Variants in KIF1A observed in about 807,000 individuals in gnomAD.
KIF1A encodes kinesin-like protein KIF1A.
In KIF1A, 46 loss-of-function variants were observed where a neutral mutation model predicts 227.3. That is an observed-to-expected ratio of 0.20 (90% CI 0.16 to 0.26). The LOEUF (loss-of-function observed/expected upper bound fraction) is 0.26. Among genes scored for constraint, KIF1A ranks in the 10% least tolerant of loss-of-function variants. The probability of loss-of-function intolerance (pLI) is 1.00; values close to 1 mark genes in which losing one functional copy is unlikely to be tolerated. For synonymous variants in KIF1A, 1,022 were observed against 1,012.8 expected, an observed-to-expected ratio of 1.01 and a Z score of -0.17; for missense variants, 1,683 against 2,485.9, an observed-to-expected ratio of 0.68 and a Z score of 6.87.
chr2:240,769,798 AG>A lies in KIF1A; in HGVS notation c.1342-93del, dbSNP rs2051706693. The A allele has an allele frequency of 3.9e-6, 4 of 1,022,256 alleles. No homozygotes were observed. The Admixed American group carries it at 8.2e-5, about 21-fold the overall frequency. The allele number at this position is 1,022,256 out of a possible 1,614,324, so 63.3% of individuals were successfully genotyped here. ...CGGGTGCCAGGAGAAGGAGCTGCAA[AG>A]CACAAGCGCCATATTCCTGGGCCCG... On this transcript the variant is annotated intron_variant, in intron 15 of 48. Coordinates refer to ENST00000498729, the MANE Select transcript of KIF1A (RefSeq NM_001244008.2).
chr2:240,730,632 G>C (rs949202373), intron 38 of KIF1A, among the ~76,000 whole-genome samples: 1 of 152,224 alleles, frequency 6.6e-6, no homozygotes. Context: ...CTCGCCCGAA[G>C]GGAACATGAT....
Position 240,720,975 on chromosome 2 carries a change from G to C in KIF1A, c.4807C>G (p.Leu1603Val). The C allele has an allele frequency of 8.1e-6, 13 of 1,607,092 alleles. No homozygotes were observed. Among genetic ancestry groups the C allele is most frequent in the Non-Finnish European group, 1.1e-5 (13 of 1,177,298 alleles). ...PSMSPLGVAT[L>V]TPSSTCPSLV... ...GAGGGGCAAGTGGAGGAGGGGGTGA[G>C]AGTGGCCACCCCTAGAGGGGACATC... Residue 1603 changes from leucine to valine, a missense_variant, in exon 45 of 49, where the codon CTC (leucine) becomes GTC (valine). This residue lies in a region of KIF1A where 384 missense variants were observed against 410.1 expected (regional missense o/e 0.94). Transcript: ENST00000498729.
At chr2:240,722,756 G>A (rs1575520673) in intron 42 of KIF1A, 100 bp from the exon 43 acceptor site, 1 of 935,374 alleles carries the variant, frequency 1.1e-6, no homozygotes, top group Admixed American at 3.1e-5. Flanking sequence ...GCAGACCCCG[G>A]AGAGCCCACC....
At chr2:240,765,179 G>A (rs78819009) in intron 20 of KIF1A, among the ~76,000 whole-genome samples, 5,557 of 152,344 alleles carry the variant, frequency 0.036, 130 homozygotes, top group Non-Finnish European at 0.055. Context: ...CTGTCTGACT[G>A]TCTGACTTCT....
Position 240,791,453 on chromosome 2 carries a change from C to T in KIF1A, c.107-2141G>A, listed in dbSNP as rs369001177. Among the ~76,000 whole-genome samples, 169 of 142,904 alleles carry T rather than the reference C, an allele frequency of 1.2e-3. 4 individuals carry two copies. Among genetic ancestry groups the T allele is most frequent in the East Asian group, 2.5e-3 (12 of 4,770 alleles). 93.8% of individuals were successfully genotyped at this position (142,904 alleles called of 152,430 possible). On this transcript the variant is annotated intron_variant, in intron 2 of 48. Coordinates refer to ENST00000498729, the MANE Select transcript of KIF1A (RefSeq NM_001244008.2). ...TCCTGCCCCATCCACCCCCTCGCCT[C>T]ACCCGGCTGCACTCAGGTCGGGCTC... is the stretch of plus-strand genomic sequence containing the variant.
At chr2:240,820,759 C>A (rs1162629309), upstream of KIF1A, among the ~76,000 whole-genome samples, 2 of 150,994 alleles carry the variant, frequency 1.3e-5, no homozygotes, top group African/African-American at 4.9e-5. This position sits in a 1 kb window ranked among gnomAD's most constrained non-coding sequence, Gnocchi z 6.2. Flanking sequence ...CATCTTGTGT[C>A]GGGGCCGGGG....
intron 27 of KIF1A, among the ~76,000 whole-genome samples, chr2:240,751,063 C>A (rs1203281090): frequency 6.6e-6 from 1 of 152,108 alleles, no homozygotes; most frequent in East Asian, 1.9e-4. Flanking sequence ...TGAGGCACCC[C>A]CAGCCCAGGG....
chr2:240,783,965 C>T, intron 7 of KIF1A, 149 bp from the exon 8 acceptor site: 2 of 658,492 alleles, frequency 3.0e-6, no homozygotes, highest in East Asian at 2.7e-5. Flanking sequence ...GCCCAGCAGT[C>T]CTGACCCCGC....
chr2:240,817,439 CA>C (rs1311574230), intron 1 of KIF1A, among the ~76,000 whole-genome samples: 8 of 152,188 alleles, frequency 5.3e-5, no homozygotes, highest in Non-Finnish European at 1.0e-4. Flanking sequence ...TGCAGGCAGA[CA>C]ACCACGTGCT....
chr2:240,722,576 C>G lies in KIF1A; in HGVS notation c.4545G>C (p.Pro1515=). The G allele has an allele frequency of 6.4e-7, 1 of 1,559,492 alleles. No homozygotes were observed. Among genetic ancestry groups the G allele is most frequent in the Non-Finnish European group, 8.7e-7 (1 of 1,152,130 alleles). ...AQRPVPEALS[P]AFSEDSESHG... Reference sequence around the variant, plus strand: ...GGGACTCAGAGTCCTCGCTGAAGGCCGGGGACAGTGCCTCCGGGACAGGCC... The same window carrying G: ...GGGACTCAGAGTCCTCGCTGAAGGCGGGGGACAGTGCCTCCGGGACAGGCC... Residue 1515 remains proline, a synonymous_variant, in exon 43 of 49, where the codon CCG becomes CCC. Transcript: ENST00000498729.
chr2:240,741,398 C>T, intron 34 of KIF1A, 21 bp from the exon 35 acceptor site: 3 of 1,507,874 alleles, frequency 2.0e-6, no homozygotes, highest in East Asian at 2.5e-5. Flanking sequence ...AGGAGGGAGG[C>T]ATGCATGGAT....
Position 240,736,350 on chromosome 2 carries a change from CAAGCCCCTGG to C in KIF1A, c.4007+703_4007+712del, listed in dbSNP as rs2047321728. 6.6e-6 allele frequency among the ~76,000 whole-genome samples: 1 copy of C among 152,112 alleles called. No homozygotes were observed. Among genetic ancestry groups the C allele is most frequent in the Non-Finnish European group, 1.5e-5 (1 of 68,010 alleles). On this transcript the variant is annotated intron_variant, in intron 38 of 48. Coordinates refer to ENST00000498729, the MANE Select transcript of KIF1A (RefSeq NM_001244008.2). The surrounding 1 kb of genome is among the most constrained non-coding windows in gnomAD (Gnocchi z 4.7). ...ACTGGAGCCCCCGCCTCACTTTCCC[CAAGCCCCTGG>C]AAGGCAGCGTCTGGGACGCAGTGGA...
At chr2:240,816,395 G>A (rs570947077) in intron 1 of KIF1A, among the ~76,000 whole-genome samples, 65 of 152,092 alleles carry the variant, frequency 4.3e-4, no homozygotes, top group African/African-American at 1.4e-3. Context: ...GTGTGTGTTC[G>A]AGTGGATGCA....
At chr2:240,717,474 C>T in intron 48 of KIF1A, 68 bp from the exon 49 acceptor site, 2 of 1,486,104 alleles carry the variant, frequency 1.3e-6, no homozygotes, top group African/African-American at 1.4e-5. Flanking sequence ...CCACCGTGCC[C>T]TGCACAGGCA....
At chr2:240,735,407 C>T (rs1236136970) in intron 38 of KIF1A, among the ~76,000 whole-genome samples, 2 of 125,280 alleles carry the variant, frequency 1.6e-5, no homozygotes, top group Non-Finnish European at 3.8e-5. Context: ...CCTCCTACGT[C>T]ACCCATGGCA....
chr2:240,751,741 T>C (rs969082304), intron 27 of KIF1A, among the ~76,000 whole-genome samples: 3 of 152,108 alleles, frequency 2.0e-5, no homozygotes, highest in African/African-American at 7.2e-5. Context: ...CCATGCCCCA[T>C]GTGGCCCTGG....
chr2:240,775,235 A>T lies in KIF1A; in HGVS notation c.958+616T>A, dbSNP rs2052580921. The stretch of plus-strand genomic sequence containing the variant: ...AGCCAGGGCTCTGCACACCTCAGCC[A>T]TGCGGCTGAGGGAGGCCAGGGACCC... On this transcript the variant is annotated intron_variant, in intron 11 of 48. Transcript: ENST00000498729. This position sits in a 1 kb window ranked among gnomAD's most constrained non-coding sequence, Gnocchi z 5.5. Among the ~76,000 whole-genome samples, 1 of 152,218 alleles carries T rather than the reference A, an allele frequency of 6.6e-6. No homozygotes were observed. Among genetic ancestry groups the T allele is most frequent in the East Asian group, 1.9e-4 (1 of 5,178 alleles).
At chr2:240,807,584 A>G (rs1255984244) in intron 1 of KIF1A, among the ~76,000 whole-genome samples, 1 of 152,256 alleles carries the variant, frequency 6.6e-6, no homozygotes, top group Non-Finnish European at 1.5e-5. Context: ...TTCAGTATAG[A>G]CAAACCATTC....
rs114912996 is a variant in KIF1A at position 240,766,548 on chromosome 2, A to G, written c.1684+367T>C. Among the ~76,000 whole-genome samples, 4,684 of 152,092 alleles carry G rather than the reference A, an allele frequency of 0.031. 255 individuals carry two copies. The highest frequency in any genetic ancestry group is 0.11 in the African/African-American group (4,432 of 41,446). On this transcript the variant is annotated intron_variant, in intron 19 of 48. Coordinates refer to ENST00000498729, the MANE Select transcript of KIF1A (RefSeq NM_001244008.2). The surrounding 1 kb of genome is among the most constrained non-coding windows in gnomAD (Gnocchi z 5.0). ...TGAACATCCTCCACCCTGGGCCCCA[A>G]CACGCTTCCCGGCCAGCAGCCCACC...
Sources: allele counts gnomAD v4.1 joint callset (sites outside exome capture counted in the v4.1 genomes callset), GRCh38; gene constraint gnomAD v4.1.1; regional missense constraint gnomAD v4.1.1; non-coding constraint Gnocchi (gnomAD v3.1); transcripts MANE v1.5; gene names NCBI Gene and HGNC (gene_info 2026-07-23, HGNC 2026-07-21).